The following ANKS6 variants were observed in gnomAD, a reference collection of about 807,000 sequenced individuals.
The protein encoded by ANKS6 is ankyrin repeat and SAM domain-containing protein 6.
Under a neutral mutation model 77.9 loss-of-function variants are expected in ANKS6, and 47 were observed. The ratio of observed to expected loss-of-function variants is 0.60; its 90% CI spans 0.48 to 0.77. The LOEUF (loss-of-function observed/expected upper bound fraction) is 0.77, where lower values mean the gene tolerates loss of function less well. Among genes scored for constraint, ANKS6 ranks in the 30% least tolerant of loss-of-function variants. ANKS6 has a pLI of 0.00. For synonymous variants in ANKS6, 488 were observed against 501.7 expected, an observed-to-expected ratio of 0.97 and a Z score of 0.37; for missense variants, 1,150 against 1,159.1, an observed-to-expected ratio of 0.99 and a Z score of 0.11.
At chr9:98,743,166 C>T (rs1186877354) in intron 14 of ANKS6, among the ~76,000 whole-genome samples, 1 of 152,194 alleles carries the variant, frequency 6.6e-6, no homozygotes, top group Non-Finnish European at 1.5e-5. Context: ...CCTTAACTGG[C>T]TTAAGCTTGG....
intron 12 of ANKS6, among the ~76,000 whole-genome samples, chr9:98,753,707 A>G (rs572065542): frequency 6.6e-6 from 1 of 152,120 alleles, no homozygotes; most frequent in Admixed American, 6.5e-5. Flanking sequence ...TCAACCTACC[A>G]ATCTAATGCC....
At chr9:98,774,284 C>G (rs1833801612) in intron 8 of ANKS6, among the ~76,000 whole-genome samples, 1 of 152,194 alleles carries the variant, frequency 6.6e-6, no homozygotes, top group East Asian at 1.9e-4. Context: ...CAGGCTTCTT[C>G]TGGATCTCTC....
In ANKS6 at chr9:98,734,692, C is replaced by A; in HGVS notation, c.*1827G>T. The A allele has an allele frequency of 1.1e-6, 1 of 933,680 alleles. No homozygotes were observed. Among genetic ancestry groups the A allele is most frequent in the African/African-American group, 1.8e-5 (1 of 56,112 alleles). The allele number at this position is 933,680 out of a possible 1,614,324, so 57.8% of individuals were successfully genotyped here. A position where few individuals can be genotyped will look rare whatever the true frequency, so the allele number is the denominator to read the frequency against. ...TTCCCTCTCCTAAGCATCCGTTTCCCGAATGTGCAAGATGAGGTTACACAA... is the reference window on the plus strand; with the variant it reads ...TTCCCTCTCCTAAGCATCCGTTTCCAGAATGTGCAAGATGAGGTTACACAA... On this transcript the variant is annotated 3_prime_UTR_variant, in exon 15 of 15. Coordinates refer to ENST00000353234, the MANE Select transcript of ANKS6 (RefSeq NM_173551.5).
Position 98,751,124 on chromosome 9 carries a change from C to A in ANKS6, c.2327-28G>T, listed in dbSNP as rs756840992. 5.2e-6 allele frequency: 8 copies of A among 1,546,124 alleles called. No homozygotes were observed. In the Middle Eastern group the frequency reaches 5.1e-4, roughly 99 times the overall value. On this transcript the variant is annotated intron_variant, in intron 12 of 14. Transcript: ENST00000353234. ...TCAAGATGGAAAGGTGAAAAAAAAA[C>A]AACACATTTTAGAATTTGGTAAAGT...
chr9:98,771,117 G>A, intron 9 of ANKS6, 71 bp from the exon 10 acceptor site: 2 of 1,396,184 alleles, frequency 1.4e-6, no homozygotes, highest in Non-Finnish European at 1.9e-6. Context: ...ATCACAGTGT[G>A]GGGGTTCCTG....
intron 2 of ANKS6, among the ~76,000 whole-genome samples, chr9:98,785,950 T>C (rs1834541457): frequency 6.6e-6 from 1 of 152,142 alleles, no homozygotes; most frequent in African/African-American, 2.4e-5. Context: ...CAAAGAGCAA[T>C]TACTTTCTTT....
intron 14 of ANKS6, 49 bp from the exon 15 acceptor site, chr9:98,736,672 A>G: frequency 7.8e-6 from 12 of 1,544,016 alleles, no homozygotes; most frequent in Non-Finnish European, 1.1e-5. Context: ...TAAACCTTTT[A>G]ACCATTAATT....
At chr9:98,775,032 C>CG (rs1833852418) in intron 8 of ANKS6, among the ~76,000 whole-genome samples, 1 of 152,234 alleles carries the variant, frequency 6.6e-6, no homozygotes, top group Non-Finnish European at 1.5e-5. Flanking sequence ...AGTACACCTC[C>CG]GGGGTTCCCA....
chr9:98,733,901 G>A lies in ANKS6; in HGVS notation c.*2618C>T, dbSNP rs998962325. 6.1e-6 allele frequency: 6 copies of A among 985,334 alleles called. No individual in the cohort carries two copies. The East Asian group carries it at 4.5e-4, about 75-fold the overall frequency. 61.0% of individuals were successfully genotyped at this position (985,334 alleles called of 1,614,324 possible). Reference sequence around the variant, plus strand: ...CAGGAGCATACTTTTGGGAAATGCTGGTGAAGGTTGCCAAGCAAGGGAGGT... The same window carrying A: ...CAGGAGCATACTTTTGGGAAATGCTAGTGAAGGTTGCCAAGCAAGGGAGGT... On this transcript the variant is annotated 3_prime_UTR_variant, in exon 15 of 15. Transcript: ENST00000353234.
At position 98,771,243 on chromosome 9, in the gene ANKS6, A is replaced by G. The variant is rs115216557; in HGVS notation, c.1822-197T>C. Reference sequence around the variant, plus strand: ...GCTTCTATGTGCTGACAACTTGCCCATTAGCTCAGTGAATCCATGTCACAT... The same window carrying G: ...GCTTCTATGTGCTGACAACTTGCCCGTTAGCTCAGTGAATCCATGTCACAT... On this transcript the variant is annotated intron_variant, in intron 9 of 14. Coordinates refer to ENST00000353234, the MANE Select transcript of ANKS6 (RefSeq NM_173551.5). Among the ~76,000 whole-genome samples the G allele has an allele frequency of 0.021, 3,157 of 152,288 alleles. 105 individuals are homozygous for G. The highest frequency in any genetic ancestry group is 0.071 in the African/African-American group (2,966 of 41,540).
In ANKS6 at chr9:98,733,436, A is replaced by T; in HGVS notation, c.*3083T>A. The T allele has an allele frequency of 1.0e-6, 1 of 985,384 alleles. No homozygotes were observed. Among genetic ancestry groups the T allele is most frequent in the Non-Finnish European group, 1.2e-6 (1 of 829,940 alleles). The allele number at this position is 985,384 out of a possible 1,614,324, so 61.0% of individuals were successfully genotyped here. ...GCCCTCAGGCTGGAGAGCTCTCAGA[A>T]CAGGGACCCTGCCATCTCAAAGCAG... On this transcript the variant is annotated 3_prime_UTR_variant, in exon 15 of 15. Coordinates refer to ENST00000353234, the MANE Select transcript of ANKS6 (RefSeq NM_173551.5).
chr9:98,752,769 C>T (rs1346843567), intron 12 of ANKS6, among the ~76,000 whole-genome samples: 2 of 152,184 alleles, frequency 1.3e-5, no homozygotes, highest in African/African-American at 4.8e-5. Context: ...GCTACCAGGC[C>T]TGTGCTAGGC....
chr9:98,775,995 A>G (rs1214799737), intron 8 of ANKS6, among the ~76,000 whole-genome samples: 1 of 152,164 alleles, frequency 6.6e-6, no homozygotes, highest in African/African-American at 2.4e-5. Context: ...CTTTTCTGGG[A>G]GCCCCCTCTG....
Position 98,796,394 on chromosome 9 carries a change from G to A in ANKS6, c.98C>T (p.Ala33Val), listed in dbSNP as rs1225916665. Residue 33 changes from alanine (A) to valine (V), a missense_variant, in exon 1 of 15, where the codon GCG (alanine) becomes GTG (valine). Coordinates refer to ENST00000353234, the MANE Select transcript of ANKS6 (RefSeq NM_173551.5). ...CGCGCCGCGCTCGGCTGGCTCCGCC[G>A]CCCCCGGCTCCAGCAGCCGCCGCGC... ...ETARRLLEPGAAEPAERGAEP... is the reference protein window; with the variant it reads ...ETARRLLEPGVAEPAERGAEP... 8.0e-6 allele frequency: 8 copies of A among 1,000,866 alleles called. No homozygotes were observed. Among genetic ancestry groups the A allele is most frequent in the Admixed American group, 6.1e-5 (1 of 16,468 alleles). 62.0% of individuals were successfully genotyped at this position (1,000,866 alleles called of 1,614,324 possible). A position where few individuals can be genotyped will look rare whatever the true frequency, so the allele number is the denominator to read the frequency against.
rs756090222 is a variant in ANKS6, at chr9:98,790,239, G to C, written c.727C>G (p.Gln243Glu). ...ALTGRLGVAQ[Q>E]LVEKGANPDH... ...GGGTTGGCGCCCTTCTCCACCAGCTGCTGGGCCACTCCAAGCCGCCCAGTG... is the reference window on the plus strand; with the variant it reads ...GGGTTGGCGCCCTTCTCCACCAGCTCCTGGGCCACTCCAAGCCGCCCAGTG... Residue 243 changes from glutamine (Q) to glutamate (E), a missense_variant, in exon 2 of 15, where the codon CAG becomes GAG. Transcript: ENST00000353234. 1 of 1,606,692 alleles carries C rather than the reference G, an allele frequency of 6.2e-7. No individual in the cohort carries two copies. The highest frequency in any genetic ancestry group is 1.1e-5 in the South Asian group (1 of 90,922).
chr9:98,790,357 G>A lies in ANKS6; in HGVS notation c.609C>T (p.His203=), dbSNP rs372936113. 9.6e-5 allele frequency: 155 copies of A among 1,613,232 alleles called. No individual in the cohort carries two copies. In the African/African-American group the frequency reaches 1.9e-3, roughly 20 times the overall value. The stretch of plus-strand genomic sequence containing the variant: ...CCATCAGTAGACGCACCACGGCCTC[G>A]TGCCCGTGCTGGATGGCAGCCATCA... The part of the protein sequence containing the change: ...TALMAAIQHG[H]EAVVRLLMEW... Residue 203 remains histidine (H), a synonymous_variant, in exon 2 of 15, where the codon CAC becomes CAT. Coordinates refer to ENST00000353234, the MANE Select transcript of ANKS6 (RefSeq NM_173551.5).
chr9:98,749,939 A>G (rs1832339261), intron 13 of ANKS6, among the ~76,000 whole-genome samples: 3 of 152,358 alleles, frequency 2.0e-5, no homozygotes, highest in South Asian at 2.1e-4. Context: ...ACCAGTGATT[A>G]TACCCTGGAG....
intron 10 of ANKS6, among the ~76,000 whole-genome samples, chr9:98,768,604 C>T (rs1833441131): frequency 1.3e-5 from 2 of 152,172 alleles, no homozygotes; most frequent in African/African-American, 2.4e-5. Context: ...TCTGCAGAGC[C>T]GGCCAGCAGC....
Position 98,739,757 on chromosome 9 carries a change from C to CTTTTTTTTTTTTTT in ANKS6, c.2512-3135_2512-3134insAAAAAAAAAAAAAA, listed in dbSNP as rs1338507769. On this transcript the variant is annotated intron_variant, in intron 14 of 14. Coordinates refer to ENST00000353234, the MANE Select transcript of ANKS6 (RefSeq NM_173551.5). ...CCTCAGAGGGCAGCAGTGGATTAAA[C>CTTTTTTTTTTTTTT]ATTTTTTTTTTTTTTTTGAGACGGA... 8.0e-4 allele frequency among the ~76,000 whole-genome samples: 41 copies of CTTTTTTTTTTTTTT among 51,054 alleles called. 1 individual carries two copies. The highest frequency in any genetic ancestry group is 1.4e-3 in the African/African-American group (9 of 6,490). 33.5% of individuals were successfully genotyped at this position (51,054 alleles called of 152,430 possible).
Sources: allele counts gnomAD v4.1 joint callset (sites outside exome capture counted in the v4.1 genomes callset), GRCh38; gene constraint gnomAD v4.1.1; transcripts MANE v1.5; gene names NCBI Gene and HGNC (gene_info 2026-07-23, HGNC 2026-07-21).